CDS1: variants seen among roughly 807,000 people sequenced by gnomAD.
The protein encoded by CDS1 is phosphatidate cytidylyltransferase 1.
CDS1 carries 41 observed loss-of-function variants against 62.1 expected under a neutral mutation model. The ratio of observed to expected loss-of-function variants is 0.66; its 90% CI spans 0.51 to 0.86. The LOEUF is 0.86. CDS1 is among the 40% of genes least tolerant of loss of function. The probability of loss-of-function intolerance (pLI) is 0.00; values close to 1 mark genes in which losing one functional copy is unlikely to be tolerated. For missense variants in CDS1, 470 were observed against 550.1 expected, an observed-to-expected ratio of 0.85 and a Z score of 1.46; for synonymous variants, 185 against 192.6, an observed-to-expected ratio of 0.96 and a Z score of 0.32.
At chr4:84,645,921 G>A (rs1724545993) in intron 12 of CDS1, among the ~76,000 whole-genome samples, 2 of 152,164 alleles carry the variant, frequency 1.3e-5, no homozygotes, top group South Asian at 4.1e-4. Context: ...TGGTGGATGG[G>A]TGGATGAATA....
chr4:84,619,723 T>TA (rs990210681), intron 5 of CDS1, among the ~76,000 whole-genome samples, 190 bp downstream of exon 5: 7 of 152,102 alleles, frequency 4.6e-5, no homozygotes, highest in Admixed American at 3.3e-4. Flanking sequence ...ATAGTGGGTT[T>TA]AAAAAGTGCT....
chr4:84,595,001 A>G (rs1277323021), intron 1 of CDS1, among the ~76,000 whole-genome samples: 1 of 152,138 alleles, frequency 6.6e-6, no homozygotes, highest in African/African-American at 2.4e-5. Context: ...AAGGTGAAGC[A>G]CAGGATATGA....
At chr4:84,639,907 A>C (rs1160943836) in intron 9 of CDS1, among the ~76,000 whole-genome samples, 1 of 152,010 alleles carries the variant, frequency 6.6e-6, no homozygotes, top group Non-Finnish European at 1.5e-5. Flanking sequence ...CAGATAGAAG[A>C]ATGCAAAAGG....
At chr4:84,616,626 C>T (rs759699169) in intron 3 of CDS1, among the ~76,000 whole-genome samples, 16 of 151,918 alleles carry the variant, frequency 1.1e-4, no homozygotes, top group Non-Finnish European at 2.1e-4. Flanking sequence ...AAAAACAAGC[C>T]CTTGGGGTGT....
At chr4:84,636,635 C>T (rs1724220547) in intron 8 of CDS1, among the ~76,000 whole-genome samples, 1 of 152,192 alleles carries the variant, frequency 6.6e-6, no homozygotes, top group Admixed American at 6.5e-5. Flanking sequence ...AGTGATTCTC[C>T]TGCCTCAGCC....
intron 4 of CDS1, among the ~76,000 whole-genome samples, chr4:84,619,042 T>TAC (rs1491302704): frequency 5.1e-5 from 5 of 97,662 alleles, no homozygotes; most frequent in South Asian, 3.9e-4. Flanking sequence ...GTATTAAATT[T>TAC]ATACACACAC....
At chr4:84,635,633 T>G (rs369672205) in intron 8 of CDS1, among the ~76,000 whole-genome samples, 1,426 of 47,378 alleles carry the variant, frequency 0.03, 10 homozygotes, top group African/African-American at 0.075. Flanking sequence ...CTGCCTTCCT[T>G]CCTTCCTTCC....
In CDS1 at chr4:84,645,078, C is replaced by G. The variant is rs907790492; in HGVS notation, c.1153-144C>G. On this transcript the variant is annotated intron_variant, in intron 11 of 12. Transcript: ENST00000295887. ...GTGGTTTTAATCTGCTGGATGTGTTCTAATAAGTTTTTATTTAGTGAAAAA... is the reference window on the plus strand; with the variant it reads ...GTGGTTTTAATCTGCTGGATGTGTTGTAATAAGTTTTTATTTAGTGAAAAA... 7.9e-6 allele frequency: 5 copies of G among 634,318 alleles called. No homozygotes were observed. In the African/African-American group the frequency reaches 9.2e-5, roughly 12 times the overall value. 39.3% of individuals were successfully genotyped at this position (634,318 alleles called of 1,614,324 possible).
In CDS1 at chr4:84,612,589, G is replaced by A. The variant is rs189568448; in HGVS notation, c.342+3064G>A. Among the ~76,000 whole-genome samples the A allele has an allele frequency of 5.3e-5, 8 of 152,118 alleles. No individual in the cohort carries two copies. The East Asian group carries it at 1.4e-3, about 26-fold the overall frequency. ...TTAAGAGAACCATAAGTGTGCCTAC[G>A]GTACTTGAGTTTTTTTGTTTATTTT... On this transcript the variant is annotated intron_variant, in intron 3 of 12. Transcript: ENST00000295887.
At chr4:84,593,662 G>A (rs367770072) in intron 1 of CDS1, among the ~76,000 whole-genome samples, 1 of 151,818 alleles carries the variant, frequency 6.6e-6, no homozygotes, top group African/African-American at 2.4e-5. Flanking sequence ...TCTCCACTAC[G>A]CCTGACTAAT....
Position 84,616,840 on chromosome 4 carries a change from T to C in CDS1, c.343-724T>C, listed in dbSNP as rs1392670111. 2.6e-5 allele frequency among the ~76,000 whole-genome samples: 4 copies of C among 152,176 alleles called. No individual in the cohort carries two copies. The East Asian group carries it at 7.7e-4, about 29-fold the overall frequency. ...GTTTGAAGGACTACAAAATAGAACA[T>C]CAAAAAGGGATTTATAAATCTAAAC... is the stretch of plus-strand genomic sequence containing the variant. On this transcript the variant is annotated intron_variant, in intron 3 of 12. Coordinates refer to ENST00000295887, the MANE Select transcript of CDS1 (RefSeq NM_001263.4).
At position 84,604,247 on chromosome 4, in the gene CDS1, C is replaced by A. The variant is rs1358468735; in HGVS notation, c.122C>A (p.Thr41Lys). 1.9e-6 allele frequency: 3 copies of A among 1,603,918 alleles called. No homozygotes were observed. Among genetic ancestry groups the A allele is most frequent in the Non-Finnish European group, 2.5e-6 (3 of 1,176,650 alleles). The change falls in exon 2 of 13, where the codon ACA (threonine) becomes AAA (lysine). Residue 41 changes from threonine (T) to lysine (K), a missense_variant. By Grantham distance (78) the Thr-to-Lys change is moderately conservative. Coordinates refer to ENST00000295887, the MANE Select transcript of CDS1 (RefSeq NM_001263.4). ...HETESTSDKE[T>K]DIDDRYGDLD... Reference sequence around the variant, plus strand: ...AATTTGTCTTTTTAATTTTAGGAAACAGATATTGATGACAGATATGGAGAT... The same window carrying A: ...AATTTGTCTTTTTAATTTTAGGAAAAAGATATTGATGACAGATATGGAGAT...
intron 3 of CDS1, among the ~76,000 whole-genome samples, chr4:84,616,584 A>T (rs974900924): frequency 5.9e-5 from 9 of 152,244 alleles, no homozygotes; most frequent in African/African-American, 2.2e-4. Flanking sequence ...TTTAAAAAAT[A>T]TAAAAATCCA....
At chr4:84,644,243 A>G (rs1578056615) in intron 11 of CDS1, among the ~76,000 whole-genome samples, 1 of 152,198 alleles carries the variant, frequency 6.6e-6, no homozygotes, top group Admixed American at 6.5e-5. Flanking sequence ...CTCACCACCT[A>G]CTAGGGCAGA....
chr4:84,639,051 T>C (rs968112927), intron 9 of CDS1, 59 bp downstream of exon 9: 2 of 775,144 alleles, frequency 2.6e-6, no homozygotes, highest in Admixed American at 5.8e-5. Context: ...CCAAGCTTAC[T>C]GGTCTAATTT....
chr4:84,640,861 C>G lies in CDS1; in HGVS notation c.903C>G (p.Tyr301Ter). ...GFIAAYVLSK[Y>*]QYFVCPVEYR... ...AGGCTGCCTATGTGTTATCCAAATA[C>G]CAGTACTTTGTCTGCCCAGTGGAAT... The change falls in exon 10 of 13, where the codon TAC becomes TAG. Residue 301 changes from tyrosine (Y) to a stop codon, truncating the protein, a stop_gained. Transcript: ENST00000295887. LOFTEE classifies it high-confidence loss of function. The G allele has an allele frequency of 6.3e-7, 1 of 1,599,638 alleles. No individual in the cohort carries two copies. Among genetic ancestry groups the G allele is most frequent in the Non-Finnish European group, 8.5e-7 (1 of 1,173,984 alleles).
chr4:84,612,155 C>T (rs1723344666), intron 3 of CDS1, among the ~76,000 whole-genome samples: 1 of 151,092 alleles, frequency 6.6e-6, no homozygotes, highest in Admixed American at 6.6e-5. Context: ...TCCTCGGTGG[C>T]AGAAAAAGGT....
intron 5 of CDS1, among the ~76,000 whole-genome samples, chr4:84,624,474 C>T (rs989156036): frequency 6.6e-6 from 1 of 151,954 alleles, no homozygotes; most frequent in African/African-American, 2.4e-5. Flanking sequence ...TTTATATCCC[C>T]CCTCCCTTTT....
Position 84,583,549 on chromosome 4 carries a change from G to C in CDS1, c.117+31G>C, listed in dbSNP as rs762734435. Reference sequence around the variant, plus strand: ...TGGAGCCGAGAGAGGCGGACGCCGCGCCCTGGCTGGGTCCTGGTTGGAAGC... The same window carrying C: ...TGGAGCCGAGAGAGGCGGACGCCGCCCCCTGGCTGGGTCCTGGTTGGAAGC... On this transcript the variant is annotated intron_variant, in intron 1 of 12. Coordinates refer to ENST00000295887, the MANE Select transcript of CDS1 (RefSeq NM_001263.4). 12 of 1,350,066 alleles carry C rather than the reference G, an allele frequency of 8.9e-6. 1 individual carries two copies. The South Asian group carries it at 1.5e-4, about 17-fold the overall frequency. The allele number at this position is 1,350,066 out of a possible 1,614,324, so 83.6% of individuals were successfully genotyped here.
Sources: gnomAD v4.1 joint callset for allele counts (sites outside exome capture counted in the v4.1 genomes callset) on GRCh38, gnomAD v4.1.1 for gene constraint, MANE v1.5 for transcripts, NCBI Gene and HGNC (gene_info 2026-07-23, HGNC 2026-07-21) for gene names.